PRMT9: variants seen among roughly 807,000 people sequenced by gnomAD.
PRMT9 encodes protein arginine N-methyltransferase 9.
PRMT9 carries 59 observed loss-of-function variants against 83.2 expected under a neutral mutation model. That is an observed-to-expected ratio of 0.71 (90% CI 0.57 to 0.88). The LOEUF (loss-of-function observed/expected upper bound fraction) is 0.88, where lower values mean the gene tolerates loss of function less well. Ranked by LOEUF, PRMT9 falls within the 40% of genes least tolerant of loss-of-function variation. The pLI, the probability that PRMT9 is intolerant of heterozygous loss-of-function variation, is 0.00. For synonymous variants in PRMT9, 333 were observed against 353.2 expected (o/e 0.94, Z 0.64); for missense variants, 947 against 1,021.9 (o/e 0.93, Z 1.00).
chr4:147,640,092 A>ATTTTTTT (rs1560962912), intron 10 of PRMT9, among the ~76,000 whole-genome samples: 1,289 of 70,366 alleles, frequency 0.018, 422 homozygotes, highest in Non-Finnish European at 0.023. Flanking sequence ...TTTTTTTTTA[A>ATTTTTTT]TATAGGGTCT....
chr4:147,653,169 C>T lies in PRMT9; in HGVS notation c.2045+683G>A, dbSNP rs111920789. On this transcript the variant is annotated intron_variant, in intron 9 of 11. Transcript: ENST00000322396. ...CTATCATTAAGATCTTGGTTTCAGC[C>T]GGGCATGGTGGCTCATGCCTATAAT... Among the ~76,000 whole-genome samples the T allele has an allele frequency of 2.0e-3, 304 of 152,136 alleles. 1 individual carries two copies. The highest frequency in any genetic ancestry group is 3.7e-3 in the Non-Finnish European group (250 of 67,984).
chr4:147,662,007 T>C (rs896825894), intron 6 of PRMT9, among the ~76,000 whole-genome samples: 5 of 152,248 alleles, frequency 3.3e-5, no homozygotes, highest in South Asian at 2.1e-4. Context: ...CTCACAGTGT[T>C]TGGCATTTCC....
intron 1 of PRMT9, among the ~76,000 whole-genome samples, chr4:147,683,466 C>T (rs1047230621): frequency 6.6e-6 from 1 of 152,180 alleles, no homozygotes; most frequent in Admixed American, 6.5e-5. Flanking sequence ...ATGGTGAGAA[C>T]TGGTAAGATT....
At chr4:147,661,948 C>T (rs1256915328) in intron 6 of PRMT9, among the ~76,000 whole-genome samples, 1 of 152,042 alleles carries the variant, frequency 6.6e-6, no homozygotes, top group Non-Finnish European at 1.5e-5. Context: ...CTTTGTAGTA[C>T]CAATTCGAGC....
In PRMT9 at chr4:147,674,210, T is replaced by C. The variant is rs1578934214; in HGVS notation, c.339-336A>G. Among the ~76,000 whole-genome samples the C allele has an allele frequency of 3.3e-5, 5 of 152,310 alleles. No homozygotes were observed. In the East Asian group the frequency reaches 9.6e-4, roughly 29 times the overall value. On this transcript the variant is annotated intron_variant, in intron 2 of 11. Coordinates refer to ENST00000322396, the MANE Select transcript of PRMT9 (RefSeq NM_138364.4). ...CAACACACTAATGCCTATGGCTTAG[T>C]AGGCTCCTCTTTGTGGGGGCCGGCA...
At chr4:147,650,888 G>T (rs2126587119) in intron 9 of PRMT9, among the ~76,000 whole-genome samples, 1 of 152,288 alleles carries the variant, frequency 6.6e-6, no homozygotes, top group East Asian at 1.9e-4. Context: ...AGATCACAAG[G>T]TCAGGAGATC....
chr4:147,674,227 G>A (rs113573590), intron 2 of PRMT9, among the ~76,000 whole-genome samples: 3 of 152,122 alleles, frequency 2.0e-5, no homozygotes, highest in African/African-American at 7.2e-5. Flanking sequence ...CTCTTTGTGG[G>A]GGCCGGCATG....
intron 2 of PRMT9, among the ~76,000 whole-genome samples, chr4:147,679,662 CA>C (rs753485640): frequency 6.6e-6 from 1 of 152,116 alleles, no homozygotes; most frequent in Non-Finnish European, 1.5e-5. Context: ...GAACGAGAAT[CA>C]CTTGAACCCA....
chr4:147,653,868 T>C lies in PRMT9; in HGVS notation c.2029A>G (p.Lys677Glu). ...GTGTTTTACCTGGATATTGCAGCTT[T>C]TTCCATTATTTCCTGCTGAATGAGC... ...SGLIQQEIME[K>E]AAISRCLLQS... Residue 677 changes from lysine (K) to glutamate (E), a missense_variant, in exon 9 of 12, where the codon AAA becomes GAA. Coordinates refer to ENST00000322396, the MANE Select transcript of PRMT9 (RefSeq NM_138364.4). The C allele has an allele frequency of 6.2e-7, 1 of 1,613,534 alleles. No individual in the cohort carries two copies. Among genetic ancestry groups the C allele is most frequent in the Non-Finnish European group, 8.5e-7 (1 of 1,179,590 alleles).
intron 9 of PRMT9, among the ~76,000 whole-genome samples, chr4:147,646,654 G>A (rs1733745640): frequency 1.3e-5 from 2 of 151,320 alleles, no homozygotes; most frequent in Non-Finnish European, 2.9e-5. Context: ...AGTGGTGGTG[G>A]GCTGGGGAGG....
At chr4:147,656,770 T>TC (rs1734520341) in intron 8 of PRMT9, among the ~76,000 whole-genome samples, 1 of 17,126 alleles carries the variant, frequency 5.8e-5, no homozygotes, top group African/African-American at 9.8e-5. Context: ...AGACTCTGTC[T>TC]CAAAAAAAAA....
intron 7 of PRMT9, 23 bp from the exon 8 acceptor site, chr4:147,657,998 G>A (rs1364159442): frequency 6.7e-7 from 1 of 1,495,414 alleles, no homozygotes; most frequent in African/African-American, 1.4e-5. Context: ...TAGAAGGAAT[G>A]AAACGGTTTT....
intron 1 of PRMT9, among the ~76,000 whole-genome samples, chr4:147,681,463 G>A (rs887750663): frequency 1.3e-5 from 2 of 152,184 alleles, no homozygotes; most frequent in Non-Finnish European, 2.9e-5. Flanking sequence ...ACTGAATCTT[G>A]AGGGAGTTTA....
intron 5 of PRMT9, 31 bp downstream of exon 5, chr4:147,670,610 A>G: frequency 7.9e-7 from 1 of 1,264,110 alleles, no homozygotes; most frequent in Non-Finnish European, 1.2e-6. Flanking sequence ...ACGAATTCTT[A>G]ATCAGTTGTA....
intron 6 of PRMT9, among the ~76,000 whole-genome samples, chr4:147,661,547 T>C (rs1578909738): frequency 6.6e-6 from 1 of 152,100 alleles, no homozygotes; most frequent in Admixed American, 6.5e-5. Flanking sequence ...TCCCAGCACT[T>C]TGGGAGGCCA....
At chr4:147,670,538 G>A (rs966801918) in intron 5 of PRMT9, 103 bp downstream of exon 5, 3 of 919,020 alleles carry the variant, frequency 3.3e-6, no homozygotes, top group Non-Finnish European at 5.3e-6. Context: ...CTTGGCAATG[G>A]AAAATATATT....
At chr4:147,678,611 A>G (rs1736255387) in intron 2 of PRMT9, among the ~76,000 whole-genome samples, 1 of 152,182 alleles carries the variant, frequency 6.6e-6, no homozygotes, top group Non-Finnish European at 1.5e-5. Context: ...TAGTATTCCT[A>G]AACTGATTAT....
At chr4:147,641,619 C>T (rs1187477373) in intron 10 of PRMT9, among the ~76,000 whole-genome samples, 1 of 152,114 alleles carries the variant, frequency 6.6e-6, no homozygotes, top group African/African-American at 2.4e-5. Context: ...AGAGAGTAAA[C>T]TTCTCTCTTT....
intron 8 of PRMT9, among the ~76,000 whole-genome samples, chr4:147,657,534 A>G (rs1345702560): frequency 6.6e-6 from 1 of 152,020 alleles, no homozygotes; most frequent in East Asian, 1.9e-4. Context: ...TAAAAAAAAA[A>G]AAAGAAAAAA....
Sources: allele counts gnomAD v4.1 joint callset (sites outside exome capture counted in the v4.1 genomes callset), GRCh38; gene constraint gnomAD v4.1.1; transcripts MANE v1.5; gene names NCBI Gene and HGNC (gene_info 2026-07-23, HGNC 2026-07-21).